RPS6KC1: variants seen among roughly 807,000 people sequenced by gnomAD.
RPS6KC1 encodes inactive ribosomal protein S6 kinase delta-1.
A neutral mutation model predicts 103.8 loss-of-function variants in RPS6KC1; 54 were observed. That is an observed-to-expected ratio of 0.52 (90% CI 0.42 to 0.65). The LOEUF (loss-of-function observed/expected upper bound fraction) is 0.65, where lower values mean the gene tolerates loss of function less well. Among genes scored for constraint, RPS6KC1 ranks in the 30% least tolerant of loss-of-function variants. The probability of loss-of-function intolerance (pLI) is 0.00; values close to 1 mark genes in which losing one functional copy is unlikely to be tolerated. For missense variants in RPS6KC1, 1,151 were observed against 1,253.8 expected, an observed-to-expected ratio of 0.92 and a Z score of 1.24; for synonymous variants, 439 against 438.7, an observed-to-expected ratio of 1.00 and a Z score of -0.01.
At chr1:213,157,102 A>AT (rs945932522) in intron 6 of RPS6KC1, among the ~76,000 whole-genome samples, 2 of 151,464 alleles carry the variant, frequency 1.3e-5, no homozygotes, top group Non-Finnish European at 2.9e-5. Flanking sequence ...TATTGCTTTC[A>AT]TTTTCACTCA....
chr1:213,536,895 G>C, the RPS6KC1 span, among the ~76,000 whole-genome samples: 2 of 152,146 alleles, frequency 1.3e-5, no homozygotes, highest in Non-Finnish European at 2.9e-5. Context: ...AGCCCAGTGG[G>C]GGGCGGGCTG....
the RPS6KC1 span, among the ~76,000 whole-genome samples, chr1:213,666,548 T>C: frequency 6.6e-6 from 1 of 152,262 alleles, no homozygotes; most frequent in Admixed American, 6.5e-5. Flanking sequence ...TAATGTTTAC[T>C]TATCTAATTA....
chr1:213,217,963 A>C (rs2148739744), intron 8 of RPS6KC1, among the ~76,000 whole-genome samples: 2 of 152,330 alleles, frequency 1.3e-5, no homozygotes, highest in South Asian at 2.1e-4. Flanking sequence ...AAACTGGCAC[A>C]AGACAGGGAT....
chr1:213,423,915 A>T, the RPS6KC1 span, among the ~76,000 whole-genome samples: 353 of 152,296 alleles, frequency 2.3e-3, 1 homozygote, highest in African/African-American at 8.0e-3. Context: ...GCAATAATAC[A>T]CGCGAGTTTG....
At chr1:213,518,609 G>T in the RPS6KC1 span, among the ~76,000 whole-genome samples, 1 of 152,104 alleles carries the variant, frequency 6.6e-6, no homozygotes, top group Non-Finnish European at 1.5e-5. Context: ...GATTTCTTAT[G>T]GCAGCTACTC....
chr1:213,748,016 C>A, the RPS6KC1 span, among the ~76,000 whole-genome samples: 1 of 152,266 alleles, frequency 6.6e-6, no homozygotes, highest in East Asian at 1.9e-4. Context: ...ATTAATTGAG[C>A]ATCTACTGTG....
At chr1:213,451,882 T>G in the RPS6KC1 span, among the ~76,000 whole-genome samples, 71 of 151,918 alleles carry the variant, frequency 4.7e-4, no homozygotes, top group Admixed American at 1.6e-3. Context: ...TCTCCAGGAA[T>G]TCCCCCCTCC....
At chr1:213,572,556 A>G in the RPS6KC1 span, among the ~76,000 whole-genome samples, 4 of 152,220 alleles carry the variant, frequency 2.6e-5, no homozygotes, top group South Asian at 8.3e-4. Context: ...TTAATAATGG[A>G]AAGGGCAGGT....
chr1:213,307,353 G>A, the RPS6KC1 span, among the ~76,000 whole-genome samples: 41 of 151,976 alleles, frequency 2.7e-4, no homozygotes, highest in African/African-American at 9.4e-4. Flanking sequence ...GCCTGGCCAG[G>A]ATGCAGGTTT....
intron 6 of RPS6KC1, among the ~76,000 whole-genome samples, chr1:213,145,279 G>C (rs1274534954): frequency 6.6e-6 from 1 of 152,154 alleles, no homozygotes; most frequent in Non-Finnish European, 1.5e-5. Flanking sequence ...GTGGTGCAGG[G>C]AGAAGGAAGC....
the RPS6KC1 span, among the ~76,000 whole-genome samples, chr1:213,346,780 T>C: frequency 1.3e-5 from 2 of 152,212 alleles, no homozygotes; most frequent in African/African-American, 4.8e-5. Context: ...TGAACTCTTA[T>C]GCTTCTTTCT....
At chr1:213,416,133 C>G in the RPS6KC1 span, among the ~76,000 whole-genome samples, 1 of 152,178 alleles carries the variant, frequency 6.6e-6, no homozygotes, top group Non-Finnish European at 1.5e-5. Context: ...CAGGCTCCCA[C>G]GCATGCACCC....
the RPS6KC1 span, among the ~76,000 whole-genome samples, chr1:213,780,314 CA>C: frequency 1.3e-5 from 2 of 152,178 alleles, no homozygotes; most frequent in African/African-American, 2.4e-5. Flanking sequence ...GGGCAAAAAG[CA>C]GCGGCCAGAT....
chr1:213,087,631 T>A (rs2080532056), intron 3 of RPS6KC1, among the ~76,000 whole-genome samples: 1 of 152,218 alleles, frequency 6.6e-6, no homozygotes. Context: ...TGGATTTTGT[T>A]TTTTCTTGCT....
At chr1:213,276,797 A>G (rs148488917), downstream of RPS6KC1, among the ~76,000 whole-genome samples, 315 of 152,308 alleles carry the variant, frequency 2.1e-3, 1 homozygote, top group African/African-American at 7.0e-3. Flanking sequence ...ATTCAGTTCT[A>G]CACTGGAAAA....
At chr1:213,435,525 T>A in the RPS6KC1 span, among the ~76,000 whole-genome samples, 1 of 152,254 alleles carries the variant, frequency 6.6e-6, no homozygotes, top group South Asian at 2.1e-4. Flanking sequence ...AGTTTCATAC[T>A]TTTCAATCTT....
At chr1:213,860,351 A>G in the RPS6KC1 span, among the ~76,000 whole-genome samples, 1 of 152,012 alleles carries the variant, frequency 6.6e-6, no homozygotes, top group Admixed American at 6.6e-5. Context: ...TTATGAAATA[A>G]CAATTTCGGA....
the RPS6KC1 span, among the ~76,000 whole-genome samples, chr1:213,465,455 A>C: frequency 6.6e-6 from 1 of 152,160 alleles, no homozygotes; most frequent in Non-Finnish European, 1.5e-5. Flanking sequence ...TAGTTTCCTG[A>C]TGTGGCTGTG....
chr1:213,441,675 G>A, the RPS6KC1 span, among the ~76,000 whole-genome samples: 1 of 152,208 alleles, frequency 6.6e-6, no homozygotes, highest in African/African-American at 2.4e-5. Context: ...TTGACAAATG[G>A]ATCTCAGCAA....
Sources: allele counts gnomAD v4.1 joint callset (sites outside exome capture counted in the v4.1 genomes callset), GRCh38; gene constraint gnomAD v4.1.1; transcripts MANE v1.5; gene names NCBI Gene and HGNC (gene_info 2026-07-23, HGNC 2026-07-21).